FREM3: variants seen among roughly 807,000 people sequenced by gnomAD.
FREM3 encodes the protein FRAS1 related extracellular matrix 3, also known as FRAS1-related extracellular matrix protein 3.
A neutral mutation model predicts 129.1 loss-of-function variants in FREM3; 105 were observed. The observed-to-expected ratio is 0.81, with a 90% confidence interval of 0.69 to 0.96. FREM3 has a LOEUF of 0.96. Among genes scored for constraint, FREM3 ranks in the 40% least tolerant of loss-of-function variants. The pLI is 0.00. For synonymous variants in FREM3, 1,014 were observed against 1,044.9 expected, an observed-to-expected ratio of 0.97 and a Z score of 0.57; for missense variants, 2,593 against 2,666.3, an observed-to-expected ratio of 0.97 and a Z score of 0.61.
At chr4:143,655,271 T>C (rs1402427430) in intron 2 of FREM3, among the ~76,000 whole-genome samples, 1 of 152,178 alleles carries the variant, frequency 6.6e-6, no homozygotes, top group East Asian at 1.9e-4. Flanking sequence ...GGTGAAATTA[T>C]GTAGAAAAAT....
intron 6 of FREM3, among the ~76,000 whole-genome samples, chr4:143,608,287 A>G (rs1226064401): frequency 6.6e-6 from 1 of 152,168 alleles, no homozygotes; most frequent in Non-Finnish European, 1.5e-5. Flanking sequence ...TTTGCTTGTT[A>G]TTATACATAC....
intron 2 of FREM3, among the ~76,000 whole-genome samples, chr4:143,631,935 C>T (rs1739147671): frequency 6.6e-6 from 1 of 152,128 alleles, no homozygotes; most frequent in Non-Finnish European, 1.5e-5. Context: ...TACTTATGTG[C>T]ATTTACCACA....
intron 2 of FREM3, among the ~76,000 whole-genome samples, chr4:143,658,686 A>G (rs904344812): frequency 2.0e-5 from 3 of 152,170 alleles, no homozygotes; most frequent in Admixed American, 6.5e-5. Context: ...AAATTTGTAA[A>G]CTTTCTTAAA....
Position 143,632,067 on chromosome 4 carries a change from T to A in FREM3, c.5276-4307A>T, listed in dbSNP as rs1053067518. On this transcript the variant is annotated intron_variant, in intron 2 of 7. Transcript: ENST00000329798. ...ATTCTCTTGTAGATCTAAGTTATAG[T>A]CTAGGTTTTTGAAGGATGATTGATG... Among the ~76,000 whole-genome samples the A allele has an allele frequency of 4.5e-4, 69 of 152,190 alleles. 1 individual carries two copies. The highest frequency in any genetic ancestry group is 1.5e-3 in the African/African-American group (64 of 41,512).
intron 2 of FREM3, among the ~76,000 whole-genome samples, chr4:143,676,828 C>T (rs550612265): frequency 6.6e-6 from 1 of 152,182 alleles, no homozygotes; most frequent in East Asian, 1.9e-4. Context: ...AAGAATCCAA[C>T]TTACAAGGGA....
At chr4:143,624,060 C>G in intron 4 of FREM3, 48 bp downstream of exon 4, 1 of 1,101,096 alleles carries the variant, frequency 9.1e-7, no homozygotes, top group Non-Finnish European at 1.3e-6. Flanking sequence ...GGAAATGGAG[C>G]CAAGAACCTG....
chr4:143,696,582 A>C lies in FREM3; in HGVS notation c.4094T>G (p.Val1365Gly). 1 of 1,537,460 alleles carries C rather than the reference A, an allele frequency of 6.5e-7. No homozygotes were observed. Among genetic ancestry groups the C allele is most frequent in the Non-Finnish European group, 8.7e-7 (1 of 1,146,960 alleles). Residue 1365 changes from valine to glycine, a missense_variant, in exon 1 of 8, where the codon GTG becomes GGG. Val to Gly is a moderately radical substitution (Grantham distance 109). Coordinates refer to ENST00000329798, the MANE Select transcript of FREM3 (RefSeq NM_001168235.2). ...LQRLRKPRGE[V>G]RNNLTLGMNF... ...CATTCCCAGAGTAAGATTGTTCCTCACTTCTCCTCTGGGTTTTCTCAGCCT... is the reference window on the plus strand; with the variant it reads ...CATTCCCAGAGTAAGATTGTTCCTCCCTTCTCCTCTGGGTTTTCTCAGCCT...
At chr4:143,589,867 C>G (rs1344258586) in intron 6 of FREM3, among the ~76,000 whole-genome samples, 1 of 152,166 alleles carries the variant, frequency 6.6e-6, no homozygotes, top group Non-Finnish European at 1.5e-5. Context: ...TTCTTCCTAC[C>G]CATGAGCATG....
intron 2 of FREM3, among the ~76,000 whole-genome samples, chr4:143,661,118 A>G (rs1445791996): frequency 1.3e-5 from 2 of 152,174 alleles, no homozygotes; most frequent in African/African-American, 2.4e-5. Flanking sequence ...TTCCAACACT[A>G]TGTTGAATAG....
At chr4:143,640,924 A>G (rs1739311872) in intron 2 of FREM3, among the ~76,000 whole-genome samples, 1 of 152,186 alleles carries the variant, frequency 6.6e-6, no homozygotes, top group Non-Finnish European at 1.5e-5. Context: ...TAGCATTCTC[A>G]TGTTCTATAA....
At chr4:143,628,161 T>A (rs368182345) in intron 2 of FREM3, among the ~76,000 whole-genome samples, 2 of 152,264 alleles carry the variant, frequency 1.3e-5, no homozygotes, top group East Asian at 1.9e-4. Context: ...TTTATATTAT[T>A]TGAGCATCCA....
chr4:143,626,155 T>C (rs1739034088), intron 3 of FREM3, among the ~76,000 whole-genome samples: 1 of 152,136 alleles, frequency 6.6e-6, no homozygotes, highest in African/African-American at 2.4e-5. Flanking sequence ...TGTTGAGTAG[T>C]ATTGTGATTT....
chr4:143,662,289 T>G (rs1056572323), intron 2 of FREM3, among the ~76,000 whole-genome samples: 2 of 152,224 alleles, frequency 1.3e-5, no homozygotes, highest in African/African-American at 4.8e-5. Context: ...GTATGTTGTG[T>G]CTTTGTTCTC....
chr4:143,654,827 C>T (rs1578852827), intron 2 of FREM3, among the ~76,000 whole-genome samples: 1 of 145,710 alleles, frequency 6.9e-6, no homozygotes, highest in Non-Finnish European at 1.5e-5. Flanking sequence ...GACTCTTAAA[C>T]TGTATTTGCA....
intron 5 of FREM3, among the ~76,000 whole-genome samples, chr4:143,613,911 C>T (rs1738802075): frequency 6.6e-6 from 1 of 152,108 alleles, no homozygotes; most frequent in Non-Finnish European, 1.5e-5. Flanking sequence ...ATATATGTCA[C>T]CTAATGAATA....
intron 2 of FREM3, among the ~76,000 whole-genome samples, chr4:143,632,708 A>G (rs1739161420): frequency 6.6e-6 from 1 of 152,138 alleles, no homozygotes. Context: ...CCTCACCTAT[A>G]GCAGGAATGT....
Position 143,699,755 on chromosome 4 carries a change from G to A in FREM3, c.921C>T (p.Pro307=), listed in dbSNP as rs78943264. 6,154 of 1,523,282 alleles carry A rather than the reference G, an allele frequency of 4.0e-3. 260 individuals carry two copies. The African/African-American group carries it at 0.075, about 19-fold the overall frequency. The allele number at this position is 1,523,282 out of a possible 1,614,324, so 94.4% of individuals were successfully genotyped here. A position where few individuals can be genotyped will look rare whatever the true frequency, so the allele number is the denominator to read the frequency against. ...RGGAENTPPR[P]SFMATMMMEV... is the part of the protein sequence containing the mutation. ...CCATCATCATCGTGGCCATGAAGCT[G>A]GGCCTGGGCGGTGTGTTCTCGGCTC... Residue 307 remains proline (P), a synonymous_variant, in exon 1 of 8, where the codon CCC becomes CCT. Transcript: ENST00000329798. This position sits in a 1 kb window ranked among gnomAD's most constrained non-coding sequence, Gnocchi z 4.2.
At chr4:143,679,728 C>A (rs1477068866) in intron 2 of FREM3, among the ~76,000 whole-genome samples, 1 of 152,044 alleles carries the variant, frequency 6.6e-6, no homozygotes, top group Non-Finnish European at 1.5e-5. Flanking sequence ...TGCTCCATTG[C>A]CTCTCATTGC....
intron 6 of FREM3, among the ~76,000 whole-genome samples, chr4:143,590,176 T>G (rs1254704426): frequency 2.4e-4 from 37 of 152,306 alleles, no homozygotes; most frequent in African/African-American, 8.4e-4. Context: ...AATCATGTCA[T>G]CTGCAAACAG....
Sources: gnomAD v4.1 joint callset for allele counts (sites outside exome capture counted in the v4.1 genomes callset) on GRCh38, gnomAD v4.1.1 for gene constraint, Gnocchi (gnomAD v3.1) non-coding constraint, MANE v1.5 for transcripts, NCBI Gene and HGNC (gene_info 2026-07-23, HGNC 2026-07-21) for gene names.